The following STAU1 variants were observed in gnomAD, a reference collection of about 807,000 sequenced individuals.
The protein encoded by STAU1 is staufen double-stranded RNA binding protein 1, also known as double-stranded RNA-binding protein Staufen homolog 1.
STAU1 carries 13 observed loss-of-function variants against 62.9 expected under a neutral mutation model. The ratio of observed to expected loss-of-function variants is 0.21; its 90% CI spans 0.13 to 0.33. The LOEUF (loss-of-function observed/expected upper bound fraction) is 0.33, where lower values mean the gene tolerates loss of function less well. Ranked by LOEUF, STAU1 falls within the 10% of genes least tolerant of loss-of-function variation. The pLI is 1.00. For missense variants in STAU1, 571 were observed against 712.1 expected (o/e 0.80, Z 2.25); for synonymous variants, 269 against 265.1 (o/e 1.01, Z -0.14).
At chr20:49,194,088 A>G in the STAU1 span, among the ~76,000 whole-genome samples, 2 of 152,276 alleles carry the variant, frequency 1.3e-5, no homozygotes, top group Admixed American at 6.5e-5. Context: ...TGTACTTCAT[A>G]TTACATACCA....
intron 13 of STAU1, among the ~76,000 whole-genome samples, chr20:49,115,143 T>C (rs1272294277): frequency 2.7e-5 from 4 of 147,832 alleles, no homozygotes; most frequent in African/African-American, 1.0e-4. Context: ...TAAAGAAACA[T>C]ACAGGAAAGA....
intron 1 of STAU1, among the ~76,000 whole-genome samples, chr20:49,182,658 G>A (rs766506964): frequency 1.4e-4 from 21 of 152,112 alleles, no homozygotes; most frequent in Non-Finnish European, 1.9e-4. Context: ...CTAACACGGT[G>A]AAACCCCATC....
intron 6 of STAU1, among the ~76,000 whole-genome samples, chr20:49,132,860 GAC>G (rs2092782050): frequency 1.3e-5 from 2 of 152,180 alleles, no homozygotes; most frequent in South Asian, 2.1e-4. Flanking sequence ...CTTCCTATGT[GAC>G]AGATTTAATT....
the STAU1 span, among the ~76,000 whole-genome samples, chr20:49,193,919 A>G: frequency 2.5e-4 from 38 of 152,144 alleles, no homozygotes; most frequent in African/African-American, 9.2e-4. Context: ...CAGTGAGCAG[A>G]GATCGCCACA....
At chr20:49,171,684 C>T (rs560641201) in intron 2 of STAU1, among the ~76,000 whole-genome samples, 32 of 152,232 alleles carry the variant, frequency 2.1e-4, no homozygotes, top group African/African-American at 6.5e-4. Flanking sequence ...ACCATTACTT[C>T]TCCCTCCCAG....
chr20:49,184,550 C>T (rs1318847953), intron 1 of STAU1, among the ~76,000 whole-genome samples: 1 of 152,070 alleles, frequency 6.6e-6, no homozygotes, highest in Non-Finnish European at 1.5e-5. Context: ...TTTTTCTCAA[C>T]ATTATCTTGA....
At chr20:49,127,711 C>CA (rs952838982) in intron 6 of STAU1, among the ~76,000 whole-genome samples, 11 of 147,948 alleles carry the variant, frequency 7.4e-5, no homozygotes, top group East Asian at 2.1e-4. Context: ...GTCTAAAAAA[C>CA]AAAAAAAACT....
chr20:49,180,387 G>A (rs1022977954), intron 1 of STAU1, among the ~76,000 whole-genome samples: 12 of 150,370 alleles, frequency 8.0e-5, no homozygotes, highest in Admixed American at 1.3e-4. Context: ...GCAGCGGCAC[G>A]ATGTCAGGTC....
In STAU1 at chr20:49,153,850, C is replaced by T. The variant is rs573553301; in HGVS notation, c.344+83G>A. 8 of 1,368,820 alleles carry T rather than the reference C, an allele frequency of 5.8e-6. No homozygotes were observed. In the African/African-American group the frequency reaches 9.3e-5, roughly 16 times the overall value. The allele number at this position is 1,368,820 out of a possible 1,614,324, so 84.8% of individuals were successfully genotyped here. On this transcript the variant is annotated intron_variant, in intron 4 of 13. Coordinates refer to ENST00000371856, the MANE Select transcript of STAU1 (RefSeq NM_017453.4). ...CCAAACCAAATCATTACTCCCTCCACAATCTAGAGGTACTGGTTTATGTAA... is the reference window on the plus strand; with the variant it reads ...CCAAACCAAATCATTACTCCCTCCATAATCTAGAGGTACTGGTTTATGTAA...
chr20:49,165,965 G>A (rs951818545), intron 3 of STAU1, 32 bp downstream of exon 3: 3 of 1,606,536 alleles, frequency 1.9e-6, no homozygotes, highest in Non-Finnish European at 2.6e-6. Flanking sequence ...GAAAACATTT[G>A]AAATAGAAGA....
At chr20:49,119,936 G>A (rs1440576195) in intron 9 of STAU1, 46 bp downstream of exon 9, 1 of 1,596,412 alleles carries the variant, frequency 6.3e-7, no homozygotes, top group Admixed American at 1.7e-5. Flanking sequence ...GTTCCCTAGG[G>A]TGAGGCGAGA....
intron 1 of STAU1, among the ~76,000 whole-genome samples, chr20:49,185,322 C>T (rs2093774127): frequency 6.6e-6 from 1 of 152,162 alleles, no homozygotes; most frequent in African/African-American, 2.4e-5. Context: ...CTGGGGAAAT[C>T]TGTATTTGTT....
chr20:49,205,045 G>T, the STAU1 span, among the ~76,000 whole-genome samples: 5 of 152,092 alleles, frequency 3.3e-5, no homozygotes, highest in Non-Finnish European at 7.4e-5. Flanking sequence ...GAGGAGAGAA[G>T]CAGTGATCAT....
intron 5 of STAU1, among the ~76,000 whole-genome samples, chr20:49,140,852 G>A (rs772258160): frequency 3.3e-5 from 5 of 152,026 alleles, no homozygotes; most frequent in East Asian, 3.8e-4. Context: ...CAAATATTAA[G>A]ATACCAGAAA....
chr20:49,197,526 G>A, the STAU1 span, among the ~76,000 whole-genome samples: 3 of 149,766 alleles, frequency 2.0e-5, no homozygotes, highest in Non-Finnish European at 4.4e-5. Flanking sequence ...TCAGCCTCCC[G>A]GGTAGCTGGG....
the STAU1 span, among the ~76,000 whole-genome samples, chr20:49,203,893 G>A: frequency 6.6e-6 from 1 of 152,088 alleles, no homozygotes; most frequent in African/African-American, 2.4e-5. Flanking sequence ...CATCATGTTG[G>A]CCAGACTGGT....
intron 1 of STAU1, among the ~76,000 whole-genome samples, chr20:49,186,954 G>A (rs1181663643): frequency 6.6e-6 from 1 of 152,002 alleles, no homozygotes; most frequent in African/African-American, 2.4e-5. Flanking sequence ...TTCCACACAA[G>A]CAATACTGCA....
At chr20:49,215,351 T>A in the STAU1 span, among the ~76,000 whole-genome samples, 4 of 152,210 alleles carry the variant, frequency 2.6e-5, no homozygotes, top group African/African-American at 9.6e-5. Context: ...CACCTGTATG[T>A]ATCACCTGGT....
At chr20:49,158,504 G>GA (rs1391315323) in intron 3 of STAU1, 16 of 1,303,798 alleles carry the variant, frequency 1.2e-5, no homozygotes, top group Admixed American at 2.3e-5. Context: ...TCCACTAAAG[G>GA]AAAAAAACAA....
Sources: allele counts gnomAD v4.1 joint callset (sites outside exome capture counted in the v4.1 genomes callset), GRCh38; gene constraint gnomAD v4.1.1; transcripts MANE v1.5; gene names NCBI Gene and HGNC (gene_info 2026-07-23, HGNC 2026-07-21).